The following PPARGC1A variants were observed in gnomAD, a reference collection of about 807,000 sequenced individuals.
PPARGC1A encodes the protein peroxisome proliferator-activated receptor gamma coactivator 1-alpha.
PPARGC1A carries 25 observed loss-of-function variants against 88.7 expected under a neutral mutation model. The ratio of observed to expected loss-of-function variants is 0.28; its 90% CI spans 0.21 to 0.39. PPARGC1A has a LOEUF of 0.39. Among genes scored for constraint, PPARGC1A ranks in the 10% least tolerant of loss-of-function variants. The pLI, the probability that PPARGC1A is intolerant of heterozygous loss-of-function variation, is 1.00. For missense variants in PPARGC1A, 880 were observed against 968.7 expected (o/e 0.91, Z 1.22); for synonymous variants, 363 against 355.6 (o/e 1.02, Z -0.24).
the PPARGC1A span, among the ~76,000 whole-genome samples, chr4:24,001,435 T>A: frequency 1.3e-5 from 2 of 151,858 alleles, no homozygotes; most frequent in South Asian, 4.2e-4. Context: ...ACTCAAATGA[T>A]TTTTTTTTCT....
At chr4:23,986,856 G>A in the PPARGC1A span, among the ~76,000 whole-genome samples, 2 of 152,044 alleles carry the variant, frequency 1.3e-5, no homozygotes, top group Non-Finnish European at 2.9e-5. Context: ...TGTTCAAAGA[G>A]AGAATTACAA....
chr4:24,114,988 C>T, the PPARGC1A span, among the ~76,000 whole-genome samples: 424 of 152,180 alleles, frequency 2.8e-3, 6 homozygotes, highest in East Asian at 0.051. Flanking sequence ...ACTATGCTTG[C>T]GACAAAGAAA....
the PPARGC1A span, among the ~76,000 whole-genome samples, chr4:24,270,241 G>T: frequency 1.3e-5 from 2 of 151,976 alleles, no homozygotes; most frequent in Non-Finnish European, 2.9e-5. Flanking sequence ...CAGGCCTTCA[G>T]ACTGCAGCTC....
chr4:23,918,746 C>T, the PPARGC1A span, among the ~76,000 whole-genome samples: 1 of 152,050 alleles, frequency 6.6e-6, no homozygotes, highest in African/African-American at 2.4e-5. Context: ...TTCATGCTGA[C>T]TATCAGAAAT....
chr4:23,973,902 G>T, the PPARGC1A span, among the ~76,000 whole-genome samples: 2 of 151,806 alleles, frequency 1.3e-5, no homozygotes, highest in South Asian at 4.2e-4. Context: ...GTCAGCATAT[G>T]GTGGGCTACG....
the PPARGC1A span, among the ~76,000 whole-genome samples, chr4:24,141,796 A>G: frequency 6.6e-6 from 1 of 152,164 alleles, no homozygotes; most frequent in Non-Finnish European, 1.5e-5. Context: ...TCAGGATCTA[A>G]AGATGTGACC....
chr4:24,008,453 A>G, the PPARGC1A span, among the ~76,000 whole-genome samples: 4 of 152,154 alleles, frequency 2.6e-5, no homozygotes, highest in Non-Finnish European at 5.9e-5. Flanking sequence ...TTGCGATTTG[A>G]TGAAGCCATA....
the PPARGC1A span, among the ~76,000 whole-genome samples, chr4:23,928,491 A>G: frequency 2.6e-5 from 4 of 152,174 alleles, no homozygotes; most frequent in African/African-American, 9.7e-5. Context: ...ATGCTTTTAT[A>G]CTGTTGGTGG....
the PPARGC1A span, among the ~76,000 whole-genome samples, chr4:24,162,278 C>T: frequency 6.6e-6 from 1 of 152,104 alleles, no homozygotes; most frequent in Non-Finnish European, 1.5e-5. Flanking sequence ...TACTGCTCAG[C>T]TGATGGGTGC....
chr4:23,896,672 A>G (rs2148869952), intron 1 of PPARGC1A, among the ~76,000 whole-genome samples: 1 of 152,340 alleles, frequency 6.6e-6, no homozygotes, highest in African/African-American at 2.4e-5. Flanking sequence ...AATCAATTGT[A>G]AAGTCAATTT....
At chr4:24,036,956 T>A in the PPARGC1A span, among the ~76,000 whole-genome samples, 1 of 152,286 alleles carries the variant, frequency 6.6e-6, no homozygotes, top group South Asian at 2.1e-4. Flanking sequence ...TGGCTCATAT[T>A]TGCTAGTTAT....
the PPARGC1A span, among the ~76,000 whole-genome samples, chr4:24,260,724 T>C: frequency 6.6e-6 from 1 of 152,178 alleles, no homozygotes; most frequent in African/African-American, 2.4e-5. Context: ...CATGTCTTTT[T>C]TTTTTTAACT....
At chr4:24,394,495 C>T in the PPARGC1A span, among the ~76,000 whole-genome samples, 149 of 152,220 alleles carry the variant, frequency 9.8e-4, no homozygotes, top group African/African-American at 3.0e-3. Context: ...AAGAAGAAAA[C>T]GCTGGTTGTG....
At chr4:24,013,625 C>T in the PPARGC1A span, among the ~76,000 whole-genome samples, 1 of 152,172 alleles carries the variant, frequency 6.6e-6, no homozygotes, top group Non-Finnish European at 1.5e-5. Flanking sequence ...AATTCATGTT[C>T]TCAAATATTC....
chr4:24,307,612 A>G, the PPARGC1A span, among the ~76,000 whole-genome samples: 1 of 152,184 alleles, frequency 6.6e-6, no homozygotes, highest in African/African-American at 2.4e-5. Context: ...TGAAGCACTT[A>G]AAGACTAAAA....
the PPARGC1A span, among the ~76,000 whole-genome samples, chr4:24,471,833 C>A: frequency 6.6e-6 from 1 of 152,374 alleles, no homozygotes; most frequent in African/African-American, 2.4e-5. This position sits in a 1 kb window ranked among gnomAD's most constrained non-coding sequence, Gnocchi z 5.4. Flanking sequence ...CACCCCACCC[C>A]CCCCACCTCC....
At chr4:23,873,202 AT>A (rs145068873) in intron 2 of PPARGC1A, among the ~76,000 whole-genome samples, 6,529 of 135,498 alleles carry the variant, frequency 0.048, 898 homozygotes, top group African/African-American at 0.12. Flanking sequence ...CGTCTCAAAA[AT>A]AAAAAATAAA....
the PPARGC1A span, among the ~76,000 whole-genome samples, chr4:24,419,866 C>T: frequency 6.6e-6 from 1 of 152,172 alleles, no homozygotes; most frequent in African/African-American, 2.4e-5. Flanking sequence ...CAAATGCATC[C>T]TCATACAAAC....
intron 5 of PPARGC1A, among the ~76,000 whole-genome samples, chr4:23,826,422 C>G (rs1490891203): frequency 6.6e-6 from 1 of 151,948 alleles, no homozygotes; most frequent in Non-Finnish European, 1.5e-5. Flanking sequence ...AATAAATGAA[C>G]AAATAAATGA....
Sources: allele counts gnomAD v4.1 joint callset (sites outside exome capture counted in the v4.1 genomes callset), GRCh38; gene constraint gnomAD v4.1.1; non-coding constraint Gnocchi (gnomAD v3.1); transcripts MANE v1.5; gene names NCBI Gene and HGNC (gene_info 2026-07-23, HGNC 2026-07-21).